IL1RAPL2: variants seen among roughly 807,000 people sequenced by gnomAD.
IL1RAPL2 encodes the protein interleukin 1 receptor accessory protein like 2, also known as X-linked interleukin-1 receptor accessory protein-like 2.
IL1RAPL2 carries 3 observed loss-of-function variants against 44.1 expected under a neutral mutation model. The observed-to-expected ratio is 0.07, with a 90% confidence interval of 0.03 to 0.18. The LOEUF (loss-of-function observed/expected upper bound fraction) is 0.18, where lower values mean the gene tolerates loss of function less well. Among genes scored for constraint, IL1RAPL2 ranks in the 10% least tolerant of loss-of-function variants. IL1RAPL2 has a pLI of 1.00. For missense variants in IL1RAPL2, 391 were observed against 496.4 expected, an observed-to-expected ratio of 0.79 and a Z score of 2.02; for synonymous variants, 181 against 178.8, an observed-to-expected ratio of 1.01 and a Z score of -0.10.
chrX:104,677,344 G>C (rs908055122), intron 2 of IL1RAPL2, among the ~76,000 whole-genome samples: 10 of 109,668 alleles, frequency 9.1e-5, no homozygotes, highest in African/African-American at 3.0e-4. Flanking sequence ...AGGTCTGTTG[G>C]AATACCCTGC....
intron 3 of IL1RAPL2, among the ~76,000 whole-genome samples, chrX:105,228,147 A>G (rs997494401): frequency 3.6e-5 from 4 of 112,316 alleles, no homozygotes; most frequent in Admixed American, 1.9e-4. Flanking sequence ...TAGCAAATCA[A>G]TTCACCTTAT....
At chrX:105,596,773 T>G (rs1431426852) in intron 6 of IL1RAPL2, among the ~76,000 whole-genome samples, 1 of 111,812 alleles carries the variant, frequency 8.9e-6, no homozygotes, top group Non-Finnish European at 1.9e-5. Context: ...AAGGGAGGTA[T>G]TAATGAACTG....
At chrX:105,595,869 A>G (rs1195115862) in intron 6 of IL1RAPL2, among the ~76,000 whole-genome samples, 1 of 110,958 alleles carries the variant, frequency 9.0e-6, no homozygotes, top group Admixed American at 9.7e-5. Context: ...AAGGATTTCT[A>G]TTTCTTCTTG....
chrX:105,116,088 C>G (rs969959679), intron 2 of IL1RAPL2, among the ~76,000 whole-genome samples: 1 of 79,203 alleles, frequency 1.3e-5, no homozygotes, highest in Non-Finnish European at 2.4e-5. Context: ...CTGCGCCTCT[C>G]CCTTCACACC....
chrX:105,049,828 T>C (rs945495511), intron 2 of IL1RAPL2, among the ~76,000 whole-genome samples: 2 of 110,865 alleles, frequency 1.8e-5, no homozygotes, highest in African/African-American at 6.6e-5. Flanking sequence ...GAATAATGAA[T>C]CCAGTATTAA....
chrX:105,495,391 A>G (rs1297606011), intron 6 of IL1RAPL2, among the ~76,000 whole-genome samples: 8 of 112,288 alleles, frequency 7.1e-5, no homozygotes, highest in African/African-American at 2.3e-4. Context: ...AAGTAATAGT[A>G]TATTCATCAA....
At chrX:104,793,191 TTTCAA>T (rs1452250180) in intron 2 of IL1RAPL2, among the ~76,000 whole-genome samples, 1 of 112,190 alleles carries the variant, frequency 8.9e-6, no homozygotes, top group Non-Finnish European at 1.9e-5. Flanking sequence ...TGTTTTCATA[TTTCAA>T]TTTGATTTTC....
At chrX:104,982,523 G>T (rs1022957355) in intron 2 of IL1RAPL2, among the ~76,000 whole-genome samples, 7 of 111,070 alleles carry the variant, frequency 6.3e-5, no homozygotes, top group African/African-American at 2.3e-4. Context: ...GTAGCAAAGT[G>T]CCTGAGGCAT....
intron 2 of IL1RAPL2, among the ~76,000 whole-genome samples, chrX:104,922,344 C>A (rs1924667347): frequency 8.9e-6 from 1 of 112,985 alleles, no homozygotes; most frequent in Non-Finnish European, 1.9e-5. Flanking sequence ...TCAGCTGGTT[C>A]TTGCCTGCTA....
rs889419012 is a variant in IL1RAPL2, at chrX:105,448,019, G to A, written c.698-36294G>A. Among the ~76,000 whole-genome samples, 11 of 103,098 alleles carry A rather than the reference G, an allele frequency of 1.1e-4. No homozygotes were observed. In the East Asian group the frequency reaches 2.4e-3, roughly 22 times the overall value. 89.5% of individuals were successfully genotyped at this position (103,098 alleles called of 115,157 possible). On this transcript the variant is annotated intron_variant, in intron 5 of 10. Transcript: ENST00000372582. ...ATTTTAACCAGATATACTATTCTAC[G>A]GTAAAAGGTTTTTTTTCTTCAGCAC...
intron 5 of IL1RAPL2, among the ~76,000 whole-genome samples, chrX:105,303,772 G>A (rs1235229153): frequency 2.7e-5 from 3 of 112,068 alleles, no homozygotes; most frequent in African/African-American, 9.7e-5. Flanking sequence ...TGTGCCTTTC[G>A]TTCTCCTTCC....
chrX:105,036,039 A>G (rs980242366), intron 2 of IL1RAPL2, among the ~76,000 whole-genome samples: 2 of 111,920 alleles, frequency 1.8e-5, no homozygotes, highest in Non-Finnish European at 3.8e-5. Flanking sequence ...CATGGCCTCT[A>G]TGGAAGATCA....
intron 2 of IL1RAPL2, among the ~76,000 whole-genome samples, chrX:104,867,168 C>T (rs1226317136): frequency 1.0e-5 from 1 of 97,092 alleles, no homozygotes; most frequent in Non-Finnish European, 2.0e-5. Flanking sequence ...ACCCGGGAGG[C>T]GGAGCTTGCA....
At chrX:104,675,187 T>A (rs1390463442) in intron 2 of IL1RAPL2, among the ~76,000 whole-genome samples, 1 of 110,955 alleles carries the variant, frequency 9.0e-6, no homozygotes, top group African/African-American at 3.3e-5. Flanking sequence ...TTAATTGTGA[T>A]GTTAGGGTGT....
At chrX:105,265,834 TCA>T (rs2034397938) in intron 4 of IL1RAPL2, among the ~76,000 whole-genome samples, 1 of 110,541 alleles carries the variant, frequency 9.0e-6, no homozygotes, top group Non-Finnish European at 1.9e-5. Flanking sequence ...ACACAAGCAC[TCA>T]CAGCTGGGGA....
intron 4 of IL1RAPL2, among the ~76,000 whole-genome samples, chrX:105,267,180 G>A (rs1479495578): frequency 9.0e-6 from 1 of 111,563 alleles, no homozygotes. Context: ...GGCCTTTGAA[G>A]TGGTTTGTAG....
At chrX:105,324,797 T>C (rs1241427131) in intron 5 of IL1RAPL2, among the ~76,000 whole-genome samples, 1 of 111,847 alleles carries the variant, frequency 8.9e-6, no homozygotes, top group Non-Finnish European at 1.9e-5. Flanking sequence ...ATTGTTTGTG[T>C]GTATAGGTAC....
chrX:104,869,653 C>T (rs1321925422), intron 2 of IL1RAPL2, among the ~76,000 whole-genome samples: 1 of 111,720 alleles, frequency 9.0e-6, no homozygotes, highest in Non-Finnish European at 1.9e-5. Context: ...GTGTGCTGTA[C>T]CCATTAACTC....
At chrX:105,546,786 A>C (rs1283503574) in intron 6 of IL1RAPL2, among the ~76,000 whole-genome samples, 2 of 112,131 alleles carry the variant, frequency 1.8e-5, no homozygotes, top group Non-Finnish European at 3.8e-5. Context: ...ATATATTCAT[A>C]AGATTTTCAA....
Sources: gnomAD v4.1 joint callset for allele counts (sites outside exome capture counted in the v4.1 genomes callset) on GRCh38, gnomAD v4.1.1 for gene constraint, MANE v1.5 for transcripts, NCBI Gene and HGNC (gene_info 2026-07-23, HGNC 2026-07-21) for gene names.